Variants in MCTP1 observed in about 807,000 individuals in gnomAD.
The protein encoded by MCTP1 is multiple C2 and transmembrane domain containing 1.
MCTP1 carries 69 observed loss-of-function variants against 120.6 expected under a neutral mutation model. The ratio of observed to expected loss-of-function variants is 0.57; its 90% CI spans 0.47 to 0.70. The LOEUF is 0.70. Among genes scored for constraint, MCTP1 ranks in the 30% least tolerant of loss-of-function variants. MCTP1 has a pLI of 0.00. For missense variants in MCTP1, 1,203 were observed against 1,248.8 expected (o/e 0.96, Z 0.55); for synonymous variants, 529 against 493.1 (o/e 1.07, Z -0.96).
intron 1 of MCTP1, among the ~76,000 whole-genome samples, chr5:95,098,246 A>G (rs1163368880): frequency 6.6e-6 from 1 of 152,090 alleles, no homozygotes; most frequent in Non-Finnish European, 1.5e-5. Flanking sequence ...TACTTTGCCT[A>G]TTTTTTAGTG....
intron 1 of MCTP1, among the ~76,000 whole-genome samples, chr5:95,256,144 G>C (rs528343864): frequency 6.6e-6 from 1 of 151,998 alleles, no homozygotes; most frequent in Non-Finnish European, 1.5e-5. Flanking sequence ...TTTACTCTTT[G>C]GTATTTCTCA....
At chr5:95,136,713 G>A (rs1759476037) in intron 1 of MCTP1, among the ~76,000 whole-genome samples, 3 of 152,154 alleles carry the variant, frequency 2.0e-5, no homozygotes, top group Middle Eastern at 3.4e-3. Flanking sequence ...CCTATTTTAC[G>A]GATGAAGAAA....
intron 1 of MCTP1, chr5:95,038,175 C>A (rs913181901): frequency 1.1e-6 from 1 of 949,930 alleles, no homozygotes; most frequent in African/African-American, 1.8e-5. Context: ...CAAGTTATTC[C>A]TTCCAGGTAT....
At chr5:94,757,477 G>A (rs981743671) in intron 19 of MCTP1, among the ~76,000 whole-genome samples, 4 of 152,196 alleles carry the variant, frequency 2.6e-5, no homozygotes, top group Non-Finnish European at 5.9e-5. Flanking sequence ...AAATAATTGT[G>A]CTACTGGTAG....
intron 1 of MCTP1, among the ~76,000 whole-genome samples, chr5:95,186,541 A>G (rs553459367): frequency 2.6e-4 from 40 of 152,316 alleles, no homozygotes; most frequent in African/African-American, 8.7e-4. Context: ...GGAGAGATAT[A>G]CCTTGTTCAT....
intron 12 of MCTP1, among the ~76,000 whole-genome samples, chr5:94,880,912 G>C (rs1466047453): frequency 1.3e-5 from 2 of 152,086 alleles, no homozygotes; most frequent in East Asian, 3.9e-4. Flanking sequence ...GGCATGAAGG[G>C]AGGGTACAGC....
At chr5:94,872,325 T>G (rs555905847) in intron 13 of MCTP1, among the ~76,000 whole-genome samples, 3 of 152,142 alleles carry the variant, frequency 2.0e-5, no homozygotes, top group Non-Finnish European at 4.4e-5. Context: ...GGAGTACAAG[T>G]CTCCTGACCA....
At chr5:95,104,997 A>G (rs1344884332) in intron 1 of MCTP1, among the ~76,000 whole-genome samples, 1 of 152,176 alleles carries the variant, frequency 6.6e-6, no homozygotes, top group Non-Finnish European at 1.5e-5. Context: ...TTATTTCTAC[A>G]TATTTGTGTG....
chr5:94,966,114 C>G (rs1825530918), intron 2 of MCTP1, among the ~76,000 whole-genome samples: 1 of 152,158 alleles, frequency 6.6e-6, no homozygotes, highest in Admixed American at 6.5e-5. Context: ...TAATATCAAT[C>G]TACATTGCAG....
chr5:94,792,756 G>C (rs754028396), intron 18 of MCTP1: 1 of 152,376 alleles, frequency 6.6e-6, no homozygotes, highest in Non-Finnish European at 1.5e-5. Flanking sequence ...TGAAACTATG[G>C]TTTAAGTGGG....
In MCTP1 at chr5:95,283,886, C is replaced by T. The variant is rs1246068680; in HGVS notation, c.690G>A (p.Pro230=). 2.2e-6 allele frequency: 3 copies of T among 1,380,206 alleles called. No individual in the cohort carries two copies. The highest frequency in any genetic ancestry group is 1.9e-6 in the Non-Finnish European group (2 of 1,076,490). The allele number at this position is 1,380,206 out of a possible 1,614,324, so 85.5% of individuals were successfully genotyped here. The part of the protein sequence containing the change: ...PARSPAESRA[P]ETGEEHGSSQ... The stretch of plus-strand genomic sequence containing the variant: ...TGCTGCCGTGCTCCTCGCCCGTCTC[C>T]GGGGCCCGAGACTCCGCGGGACTCC... Residue 230 remains proline, a synonymous_variant, in exon 1 of 23, where the codon CCG becomes CCA. Coordinates refer to ENST00000515393, the MANE Select transcript of MCTP1 (RefSeq NM_024717.7).
chr5:95,101,090 TA>T (rs72081366), intron 1 of MCTP1, among the ~76,000 whole-genome samples: 2 of 147,640 alleles, frequency 1.4e-5, no homozygotes, highest in African/African-American at 4.9e-5. Flanking sequence ...AGAAAGAAAG[TA>T]AAAAAAAAAC....
In MCTP1 at chr5:94,840,515, C is replaced by T. The variant is rs1420100973; in HGVS notation, c.2436+27818G>A. On this transcript the variant is annotated intron_variant, in intron 17 of 22. Transcript: ENST00000515393. The stretch of plus-strand genomic sequence containing the variant: ...TGGGATGGCTTGATTGGGACTTTTA[C>T]TCTCCTCTGCTGCTCTAGATGTTTC... Among the ~76,000 whole-genome samples the T allele has an allele frequency of 2.0e-5, 3 of 152,200 alleles. No individual in the cohort carries two copies. The South Asian group carries it at 6.2e-4, about 31-fold the overall frequency.
At chr5:95,281,547 T>C (rs145464494) in intron 1 of MCTP1, among the ~76,000 whole-genome samples, 160 of 152,336 alleles carry the variant, frequency 1.1e-3, no homozygotes, top group South Asian at 4.6e-3. Context: ...AAAAATGGTA[T>C]CTCTTTCTGG....
chr5:95,045,235 T>C (rs1224914642), intron 1 of MCTP1, among the ~76,000 whole-genome samples: 2 of 152,208 alleles, frequency 1.3e-5, no homozygotes, highest in African/African-American at 4.8e-5. Flanking sequence ...TCAGCTCATG[T>C]TACCTCCTCC....
At chr5:94,929,814 A>T in intron 6 of MCTP1, 1 of 299,280 alleles carries the variant, frequency 3.3e-6, no homozygotes, top group East Asian at 1.7e-4. Context: ...GTTTTAGGGC[A>T]CAGTAAAAAA....
chr5:94,805,611 G>C (rs1350146996), intron 17 of MCTP1, among the ~76,000 whole-genome samples: 1 of 152,044 alleles, frequency 6.6e-6, no homozygotes, highest in East Asian at 1.9e-4. Context: ...TTGGGCAACA[G>C]AGCAAGACCC....
rs539297460 is a variant in MCTP1, at chr5:94,801,774, CA to C, written c.2437-2643del. ...GTGTTAGCTGCAGGCCTGTCATCCA[CA>C]GAAAAAACTACCTAGGTGACAATCC... is the stretch of plus-strand genomic sequence containing the variant. On this transcript the variant is annotated intron_variant, in intron 17 of 22. Coordinates refer to ENST00000515393, the MANE Select transcript of MCTP1 (RefSeq NM_024717.7). Among the ~76,000 whole-genome samples, 599 of 152,310 alleles carry C rather than the reference CA, an allele frequency of 3.9e-3. 5 individuals carry two copies. Among genetic ancestry groups the C allele is most frequent in the African/African-American group, 0.014 (584 of 41,560 alleles).
chr5:94,722,508 C>T (rs139117979), intron 19 of MCTP1, among the ~76,000 whole-genome samples: 2 of 152,194 alleles, frequency 1.3e-5, no homozygotes, highest in Admixed American at 6.5e-5. Flanking sequence ...TATTTCACTT[C>T]CTAAGGTGAG....
Sources: allele counts gnomAD v4.1 joint callset (sites outside exome capture counted in the v4.1 genomes callset), GRCh38; gene constraint gnomAD v4.1.1; transcripts MANE v1.5; gene names NCBI Gene and HGNC (gene_info 2026-07-23, HGNC 2026-07-21).